The following PDXDC1 variants were observed in gnomAD, a reference collection of about 807,000 sequenced individuals.
PDXDC1 encodes the protein pyridoxal-dependent decarboxylase domain-containing protein 1.
In PDXDC1, 42 loss-of-function variants were observed where a neutral mutation model predicts 100.1. The observed-to-expected ratio is 0.42, with a 90% CI of 0.33 to 0.54. PDXDC1 has a LOEUF of 0.54. Ranked by LOEUF, PDXDC1 falls within the 20% of genes least tolerant of loss-of-function variation. The pLI is 0.10. For synonymous variants in PDXDC1, 260 were observed against 371.7 expected, an observed-to-expected ratio of 0.70 and a Z score of 3.46; for missense variants, 636 against 979.2, an observed-to-expected ratio of 0.65 and a Z score of 4.68.
intron 16 of PDXDC1, chr16:15,134,315 C>T (rs895948719): frequency 2.9e-6 from 2 of 685,112 alleles, no homozygotes; most frequent in Admixed American, 2.1e-5. Flanking sequence ...TCCAAGGACA[C>T]AATGGGCACC....
At chr16:15,147,341 C>G in the PDXDC1 span, among the ~76,000 whole-genome samples, 4 of 152,230 alleles carry the variant, frequency 2.6e-5, no homozygotes, top group Non-Finnish European at 4.4e-5. Flanking sequence ...CTGCAGGGGT[C>G]TGCCCCAGAG....
Position 15,109,855 on chromosome 16 carries a change from T to A in PDXDC1, c.1400-29024T>A, listed in dbSNP as rs1262570501. ...CAGAGCGAGACTCTATCTCAAAATT[T>A]AAAAAAAAAAAAAAAAGGCTGGGTG... On this transcript the variant is annotated intron_variant, in intron 16 of 16. Coordinates refer to the PDXDC1 transcript ENST00000535621. Among the ~76,000 whole-genome samples, 1,070 of 107,546 alleles carry A rather than the reference T, an allele frequency of 9.9e-3. 21 individuals carry two copies. Among genetic ancestry groups the A allele is most frequent in the African/African-American group, 0.032 (955 of 29,622 alleles). The allele number at this position is 107,546 out of a possible 152,430, so 70.6% of individuals were successfully genotyped here.
At chr16:15,046,432 C>T (rs555336074) in intron 16 of PDXDC1, among the ~76,000 whole-genome samples, 1 of 152,128 alleles carries the variant, frequency 6.6e-6, no homozygotes, top group Non-Finnish European at 1.5e-5. Context: ...CCTGTGTCGT[C>T]GGCCTCCACC....
At chr16:15,142,756 C>T (rs888896127), downstream of PDXDC1, among the ~76,000 whole-genome samples, 6 of 151,916 alleles carry the variant, frequency 3.9e-5, no homozygotes, top group East Asian at 1.9e-4. Context: ...CCCCGCCCCT[C>T]GGGCTTCCTC....
chr16:15,131,279 C>T (rs553298927), intron 16 of PDXDC1: 62 of 1,582,290 alleles, frequency 3.9e-5, no homozygotes, highest in Admixed American at 6.7e-5. Context: ...GCCAGCCGCT[C>T]GATGGGGATC....
At chr16:15,013,306 GCTACTGCA>G (rs1208198082) in intron 8 of PDXDC1, among the ~76,000 whole-genome samples, 3 of 142,836 alleles carry the variant, frequency 2.1e-5, no homozygotes, top group African/African-American at 7.8e-5. Flanking sequence ...CCGAGATTGT[GCTACTGCA>G]CTTCAGCCTG....
At chr16:15,053,308 T>C (rs1198606203) in intron 16 of PDXDC1, among the ~76,000 whole-genome samples, 1 of 152,182 alleles carries the variant, frequency 6.6e-6, no homozygotes, top group Non-Finnish European at 1.5e-5. Flanking sequence ...AAAATGGGAA[T>C]AGCAGTAACT....
At chr16:15,137,266 G>A (rs1165164965) in intron 16 of PDXDC1, 5 of 796,780 alleles carry the variant, frequency 6.3e-6, no homozygotes, top group Non-Finnish European at 1.0e-5. Flanking sequence ...AGGCAGGGAA[G>A]ACGTGCTGGA....
the PDXDC1 span, among the ~76,000 whole-genome samples, chr16:15,148,284 T>A: frequency 6.6e-6 from 1 of 150,448 alleles, no homozygotes; most frequent in African/African-American, 2.4e-5. Flanking sequence ...TCCGTTTCCC[T>A]CATGACTAAT....
intron 1 of PDXDC1, chr16:14,996,289 G>A (rs190341017): frequency 4.0e-3 from 1,649 of 411,400 alleles, no homozygotes; most frequent in Non-Finnish European, 5.8e-3. Flanking sequence ...AAATACGTAC[G>A]TATTGTATGC....
Position 15,033,339 on chromosome 16 carries a change from T to A in PDXDC1, c.1752T>A (p.Asp584Glu), listed in dbSNP as rs1175973723. Residue 584 changes from aspartate (D) to glutamate (E), a missense_variant, in exon 19 of 23, where the codon GAT becomes GAA. Physicochemically the swap from Asp to Glu is conservative, Grantham distance 45 (BLOSUM62 2). Transcript: ENST00000396410. Reference protein sequence around the residue: ...LYVGMASDNVDAAELVETIAA... With the variant: ...LYVGMASDNVEAAELVETIAA... ...TCGGCATGGCGAGCGACAACGTCGA[T>A]GCTGCTGAGCTCGTGGAGACCATTG... 1 of 1,614,072 alleles carries A rather than the reference T, an allele frequency of 6.2e-7. No homozygotes were observed. Among genetic ancestry groups the A allele is most frequent in the Non-Finnish European group, 8.5e-7 (1 of 1,180,018 alleles).
At chr16:15,001,701 A>T (rs1421583573) in intron 3 of PDXDC1, 75 bp from the exon 4 acceptor site, 3 of 1,319,270 alleles carry the variant, frequency 2.3e-6, no homozygotes, top group Non-Finnish European at 3.1e-6. Flanking sequence ...CGCTAGTTGA[A>T]TGAGGGAAGT....
chr16:15,038,209 T>C lies in PDXDC1; in HGVS notation c.*1934T>C. 6.2e-7 allele frequency: 1 copy of C among 1,611,748 alleles called. No homozygotes were observed. The highest frequency in any genetic ancestry group is 8.5e-7 in the Non-Finnish European group (1 of 1,178,810). ...CTCAGCCAGAGGCGAAGTGGAAAGA[T>C]TCTGAAAACACAAGATGGTGGGCAT... On this transcript the variant is annotated 3_prime_UTR_variant, in exon 23 of 23. Transcript: ENST00000396410.
chr16:15,041,641 C>T (rs1215470885), downstream of PDXDC1: 7 of 1,611,734 alleles, frequency 4.3e-6, no homozygotes, highest in African/African-American at 1.3e-5. Context: ...CATAATGTCA[C>T]TAAGTGAATG....
At chr16:15,038,555 C>G (rs762246866), downstream of PDXDC1, 24 of 1,342,962 alleles carry the variant, frequency 1.8e-5, 1 homozygote, top group South Asian at 2.6e-4. Context: ...TAAGACTTAC[C>G]CAGCCTGTAA....
chr16:15,035,517 A>G lies in PDXDC1; in HGVS notation c.2071A>G (p.Thr691Ala), dbSNP rs368306853. 22 of 1,612,484 alleles carry G rather than the reference A, an allele frequency of 1.4e-5. No individual in the cohort carries two copies. The South Asian group carries it at 1.4e-4, about 10-fold the overall frequency. Residue 691 changes from threonine to alanine, a missense_variant, in exon 22 of 23, where the codon ACG (threonine) becomes GCG (alanine). Transcript: ENST00000396410. ...AGGTGCAGGAGTCACGCTGCCTCCA[A>G]CGCCCTCGGGCAGTCGCACCAAGCA... is the stretch of plus-strand genomic sequence containing the variant. ...AQGAGVTLPP[T>A]PSGSRTKQRL... is the part of the protein sequence containing the mutation.
intron 16 of PDXDC1, among the ~76,000 whole-genome samples, chr16:15,110,009 C>T (rs912363408): frequency 9.5e-5 from 14 of 147,680 alleles, no homozygotes; most frequent in Non-Finnish European, 1.5e-4. Flanking sequence ...CAAAAATTAG[C>T]TGGGCGTGGT....
intron 1 of PDXDC1, among the ~76,000 whole-genome samples, chr16:14,992,363 TG>T (rs1326421095): frequency 7.2e-5 from 11 of 152,408 alleles, no homozygotes; most frequent in African/African-American, 2.4e-4. Flanking sequence ...TCAGACACTA[TG>T]GTCGTTGGGA....
chr16:15,086,074 A>G (rs1828340), intron 16 of PDXDC1: 3 of 1,515,616 alleles, frequency 2.0e-6, no homozygotes, highest in Non-Finnish European at 2.7e-6. Flanking sequence ...AGGGGAAGGT[A>G]GTATTTTAAT....
Sources: allele counts gnomAD v4.1 joint callset (sites outside exome capture counted in the v4.1 genomes callset), GRCh38; gene constraint gnomAD v4.1.1; transcripts MANE v1.5; gene names NCBI Gene and HGNC (gene_info 2026-07-23, HGNC 2026-07-21).